The following MAX variants were observed in gnomAD, a reference collection of about 807,000 sequenced individuals.
MAX encodes the protein protein max.
MAX carries 3 observed loss-of-function variants against 22.3 expected under a neutral mutation model. That is an observed-to-expected ratio of 0.13 (90% confidence interval 0.06 to 0.35). The LOEUF is 0.35. Among genes scored for constraint, MAX ranks in the 10% least tolerant of loss-of-function variants. MAX has a pLI of 1.00. For synonymous variants in MAX, 72 were observed against 77.7 expected (o/e 0.93, Z 0.39); for missense variants, 119 against 209.4 (o/e 0.57, Z 2.66).
intron 3 of MAX, chr14:65,021,938 G>A (rs1435375148): frequency 8.8e-6 from 4 of 455,842 alleles, no homozygotes; most frequent in East Asian, 6.9e-5. Context: ...GAGCCACTGC[G>A]CCCGGCCTAT....
chr14:65,024,168 C>G (rs2061938532), intron 3 of MAX, among the ~76,000 whole-genome samples: 1 of 151,666 alleles, frequency 6.6e-6, no homozygotes, highest in South Asian at 2.1e-4. Context: ...TGCAGTTTAG[C>G]AAGATCCACA....
chr14:65,077,792 G>A lies in MAX; in HGVS notation c.295+121C>T. 1.9e-6 allele frequency: 3 copies of A among 1,613,900 alleles called. No homozygotes were observed. Among genetic ancestry groups the A allele is most frequent in the Non-Finnish European group, 2.5e-6 (3 of 1,179,978 alleles). On this transcript the variant is annotated intron_variant, in intron 4 of 4. Transcript: ENST00000358664. This position sits in a 1 kb window ranked among gnomAD's most constrained non-coding sequence, Gnocchi z 6.3. ...CAGTTACTCAGGCCCCAAGAAGCAG[G>A]ACCAAGCCTGCTACTGAGCACATAC...
rs2062017918 is a variant in MAX, at chr14:65,028,179, T to C, written c.172-21895A>G. On this transcript the variant is annotated intron_variant, in intron 3 of 3. Coordinates refer to the MAX transcript ENST00000341653. This position sits in a 1 kb window ranked among gnomAD's most constrained non-coding sequence, Gnocchi z 4.4. ...CTTCTGAGTGAATTTGATGAAATCA[T>C]GAGAATGTCTAATCCCTGAGGTCCT... 6.6e-6 allele frequency among the ~76,000 whole-genome samples: 1 copy of C among 152,316 alleles called. No individual in the cohort carries two copies. Among genetic ancestry groups the C allele is most frequent in the East Asian group, 1.9e-4 (1 of 5,186 alleles).
At chr14:65,040,872 C>T (rs1471866271) in intron 3 of MAX, 2 of 1,614,020 alleles carry the variant, frequency 1.2e-6, no homozygotes, top group Non-Finnish European at 1.7e-6. Context: ...CCTGGCCGCG[C>T]TGGTAATCCT....
intron 2 of MAX, among the ~76,000 whole-genome samples, chr14:65,101,279 C>T (rs2411996): frequency 6.6e-6 from 1 of 152,316 alleles, no homozygotes; most frequent in East Asian, 1.9e-4. Context: ...ATCTGGATCC[C>T]CTATCTGAAA....
At chr14:65,086,706 T>C (rs1328251774) in intron 3 of MAX, among the ~76,000 whole-genome samples, 1 of 152,180 alleles carries the variant, frequency 6.6e-6, no homozygotes, top group Non-Finnish European at 1.5e-5. Flanking sequence ...AAGCAGAGCA[T>C]AAAAGTTCAG....
At chr14:65,100,299 A>T (rs1348483808) in intron 2 of MAX, among the ~76,000 whole-genome samples, 1 of 151,874 alleles carries the variant, frequency 6.6e-6, no homozygotes, top group Non-Finnish European at 1.5e-5. Flanking sequence ...AAAATACAAA[A>T]ATTAGCTGGG....
intron 3 of MAX, among the ~76,000 whole-genome samples, chr14:65,010,720 TAGTC>T (rs1440474292): frequency 6.6e-6 from 1 of 152,224 alleles, no homozygotes; most frequent in Non-Finnish European, 1.5e-5. Context: ...AGAAATGCCT[TAGTC>T]AGCATCCCAG....
rs2061942899 is a variant in MAX, at chr14:65,024,364, G to T, written c.172-18080C>A. On this transcript the variant is annotated intron_variant, in intron 3 of 3. Coordinates refer to the MAX transcript ENST00000341653. ...ACACCCCCCAAGTAATTTTAGTTGT[G>T]CAGCAAGGACTAGTGATGGCTCAAG... Among the ~76,000 whole-genome samples the T allele has an allele frequency of 3.9e-5, 6 of 152,100 alleles. No homozygotes were observed. The South Asian group carries it at 1.2e-3, about 32-fold the overall frequency.
At chr14:65,091,530 A>G (rs2063508803) in intron 3 of MAX, among the ~76,000 whole-genome samples, 1 of 152,058 alleles carries the variant, frequency 6.6e-6, no homozygotes, top group Non-Finnish European at 1.5e-5. Context: ...TCCTGCCACC[A>G]TCCCTTCACT....
At position 65,077,462 on chromosome 14, in the gene MAX, G is replaced by C; in HGVS notation, c.295+451C>G. On this transcript the variant is annotated intron_variant, in intron 4 of 4. Coordinates refer to ENST00000358664, the MANE Select transcript of MAX (RefSeq NM_002382.5). This position sits in a 1 kb window ranked among gnomAD's most constrained non-coding sequence, Gnocchi z 6.3. ...GTAGGAAAAGGCGGGTGTGAGCATT[G>C]AGAACAGCATGGGCCTAGCCCATAG... is the stretch of plus-strand genomic sequence containing the variant. 2.8e-6 allele frequency: 4 copies of C among 1,410,508 alleles called. No homozygotes were observed. The highest frequency in any genetic ancestry group is 4.0e-6 in the Non-Finnish European group (4 of 994,104). The allele number at this position is 1,410,508 out of a possible 1,614,324, so 87.4% of individuals were successfully genotyped here.
rs2063106441 is a variant in MAX, at chr14:65,078,036, C to T, written c.172G>A (p.Ala58Thr). 1 of 1,614,086 alleles carries T rather than the reference C, an allele frequency of 6.2e-7. No homozygotes were observed. The highest frequency in any genetic ancestry group is 2.2e-5 in the East Asian group (1 of 44,886). The change falls in exon 4 of 5, where the codon GCA becomes ACA. Residue 58 changes from alanine (A) to threonine (T), a missense_variant and splice_region_variant. Physicochemically the swap from Ala to Thr is moderately conservative, Grantham distance 58. This residue lies in a region of MAX where 95 missense variants were observed against 148.1 expected (regional missense o/e 0.64). Coordinates refer to ENST00000358664, the MANE Select transcript of MAX (RefSeq NM_002382.5). This position sits in a 1 kb window ranked among gnomAD's most constrained non-coding sequence, Gnocchi z 6.4. ...DSVPSLQGEK[A>T]SRAQILDKAT... ...TTGTCTAGGATTTGGGCCCGGGATG[C>T]CTGTGGCAATATGAGAAAAAGCACA...
Position 65,097,633 on chromosome 14 carries a change from T to C in MAX, c.64-3818A>G, listed in dbSNP as rs183145372. On this transcript the variant is annotated intron_variant, in intron 2 of 4. Coordinates refer to ENST00000358664, the MANE Select transcript of MAX (RefSeq NM_002382.5). ...GTTGTATTTTAGAGGGAAGCTTGTG[T>C]TGCTTATGATTCTTATCAAGCTATT... Among the ~76,000 whole-genome samples the C allele has an allele frequency of 2.6e-3, 396 of 152,330 alleles. 3 individuals carry two copies. Among genetic ancestry groups the C allele is most frequent in the African/African-American group, 8.9e-3 (368 of 41,558 alleles).
At chr14:65,036,634 G>GT (rs2062199291) in intron 3 of MAX, among the ~76,000 whole-genome samples, 1 of 152,092 alleles carries the variant, frequency 6.6e-6, no homozygotes, top group Non-Finnish European at 1.5e-5. Context: ...TTCTCTGTAT[G>GT]TTTTTTTCTT....
At chr14:65,055,359 A>C (rs1170007104) in intron 3 of MAX, among the ~76,000 whole-genome samples, 1 of 152,180 alleles carries the variant, frequency 6.6e-6, no homozygotes, top group African/African-American at 2.4e-5. Context: ...GGGCCCATGC[A>C]GACTGTCATG....
At position 65,070,064 on chromosome 14, in the gene MAX, T is replaced by TGGGCTGCC. The variant is rs1344135684; in HGVS notation, c.171+23636_171+23643dup. Among the ~76,000 whole-genome samples, 3 of 151,576 alleles carry TGGGCTGCC rather than the reference T, an allele frequency of 2.0e-5. No homozygotes were observed. Among genetic ancestry groups the TGGGCTGCC allele is most frequent in the Non-Finnish European group, 1.5e-5 (1 of 67,760 alleles). On this transcript the variant is annotated intron_variant, in intron 3 of 3. Coordinates refer to the MAX transcript ENST00000341653. This position sits in a 1 kb window ranked among gnomAD's most constrained non-coding sequence, Gnocchi z 4.4. Reference sequence around the variant, plus strand: ...TCTCAAGCACTGTGCATGGGAGCCATGGGCTGCCGGGCTGCCAGGCTGCCA... The same window carrying TGGGCTGCC: ...TCTCAAGCACTGTGCATGGGAGCCATGGGCTGCCGGGCTGCCGGGCTGCCAGGCTGCCA...
rs1050119604 is a variant in MAX at position 65,076,739 on chromosome 14, A to G, written c.296-76T>C. ...TAACCGAGTCTCAGACTCAGGGTCCAGCCTGTTCTTCCTAAGGGCTTGCTT... is the reference window on the plus strand; with the variant it reads ...TAACCGAGTCTCAGACTCAGGGTCCGGCCTGTTCTTCCTAAGGGCTTGCTT... On this transcript the variant is annotated intron_variant, in intron 4 of 4. Coordinates refer to ENST00000358664, the MANE Select transcript of MAX (RefSeq NM_002382.5). The surrounding 1 kb of genome is among the most constrained non-coding windows in gnomAD (Gnocchi z 6.6). 3 of 1,573,326 alleles carry G rather than the reference A, an allele frequency of 1.9e-6. No homozygotes were observed. Among genetic ancestry groups the G allele is most frequent in the Admixed American group, 3.3e-5 (2 of 59,918 alleles).
intron 3 of MAX, among the ~76,000 whole-genome samples, chr14:65,046,087 C>T (rs1386418998): frequency 6.6e-6 from 1 of 152,322 alleles, no homozygotes; most frequent in Admixed American, 6.5e-5. Flanking sequence ...AGTAATTCTC[C>T]TGCCTTAGCC....
chr14:65,009,053 T>G lies in MAX; in HGVS notation c.172-2769A>C, dbSNP rs1349789782. Among the ~76,000 whole-genome samples, 1 of 152,194 alleles carries G rather than the reference T, an allele frequency of 6.6e-6. No individual in the cohort carries two copies. Among genetic ancestry groups the G allele is most frequent in the Non-Finnish European group, 1.5e-5 (1 of 68,036 alleles). Reference sequence around the variant, plus strand: ...TCTGCTCCATGTAATTGAATGGTTTTGGGGCTGAATTGTTCAGGTAAAAAT... The same window carrying G: ...TCTGCTCCATGTAATTGAATGGTTTGGGGGCTGAATTGTTCAGGTAAAAAT... On this transcript the variant is annotated intron_variant, in intron 3 of 3. Transcript: ENST00000341653. This position sits in a 1 kb window ranked among gnomAD's most constrained non-coding sequence, Gnocchi z 4.2.
Sources: gnomAD v4.1 joint callset for allele counts (sites outside exome capture counted in the v4.1 genomes callset) on GRCh38, gnomAD v4.1.1 for gene constraint, gnomAD v4.1.1 regional missense constraint, Gnocchi (gnomAD v3.1) non-coding constraint, MANE v1.5 for transcripts, NCBI Gene and HGNC (gene_info 2026-07-23, HGNC 2026-07-21) for gene names.